VIPR2: variants seen among roughly 807,000 people sequenced by gnomAD.
VIPR2 encodes vasoactive intestinal polypeptide receptor 2.
A neutral mutation model predicts 58.0 loss-of-function variants in VIPR2; 48 were observed. The observed-to-expected ratio is 0.83, with a 90% CI of 0.66 to 1.05. VIPR2 has a LOEUF of 1.05. Ranked by LOEUF, VIPR2 falls within the 50% of genes least tolerant of loss-of-function variation. The pLI is 0.00. For missense variants in VIPR2, 534 were observed against 558.0 expected, an observed-to-expected ratio of 0.96 and a Z score of 0.43; for synonymous variants, 243 against 235.2, an observed-to-expected ratio of 1.03 and a Z score of -0.30.
chr7:159,089,724 A>C (rs937167936), intron 4 of VIPR2, among the ~76,000 whole-genome samples: 1 of 152,172 alleles, frequency 6.6e-6, no homozygotes, highest in African/African-American at 2.4e-5. Flanking sequence ...AACAGCAAAA[A>C]CCTGTCCCAA....
chr7:159,139,759 T>A (rs552857231), intron 2 of VIPR2, among the ~76,000 whole-genome samples: 1 of 152,240 alleles, frequency 6.6e-6, no homozygotes, highest in African/African-American at 2.4e-5. Flanking sequence ...GTCACACCCC[T>A]CCAGACGCGG....
chr7:159,111,883 T>C (rs1796018956), intron 2 of VIPR2, among the ~76,000 whole-genome samples: 1 of 152,008 alleles, frequency 6.6e-6, no homozygotes, highest in South Asian at 2.1e-4. Flanking sequence ...TAACAGAGCA[T>C]GCCTATAGTC....
chr7:159,032,016 G>A lies in VIPR2; in HGVS notation c.1023C>T (p.Tyr341=). 6.2e-7 allele frequency: 1 copy of A among 1,614,154 alleles called. No homozygotes were observed. Among genetic ancestry groups the A allele is most frequent in the Non-Finnish European group, 8.5e-7 (1 of 1,180,048 alleles). ...TGATGGGAAACACGGCAAACACCATGTAGTGGACGCCGAACAGCGGGATAA... is the reference window on the plus strand; with the variant it reads ...TGATGGGAAACACGGCAAACACCATATAGTGGACGCCGAACAGCGGGATAA... The part of the protein sequence containing the change: ...LLLIPLFGVH[Y]MVFAVFPISI... The change falls in exon 11 of 13, where the codon TAC becomes TAT. Residue 341 remains tyrosine, a synonymous_variant. Coordinates refer to ENST00000262178, the MANE Select transcript of VIPR2 (RefSeq NM_003382.5).
In VIPR2 at chr7:159,103,798, C is replaced by A. The variant is rs143947210; in HGVS notation, c.316G>T (p.Val106Phe). ...DGWSETFPDF[V>F]DACGYSDPED... is the part of the protein sequence containing the mutation. ...GGGTCGCTGTAGCCACAGGCATCGA[C>A]GAAATCTGGGAACGTCTCTGACCAT... The change falls in exon 4 of 13, where the codon GTC (valine) becomes TTC (phenylalanine). Residue 106 changes from valine (V) to phenylalanine (F), a missense_variant. By Grantham distance (50) the Val-to-Phe change is conservative. Around this residue, in one of 3 missense-constraint regions of VIPR2, gnomAD observed 224 missense variants for 255.7 expected, o/e 0.88. Transcript: ENST00000262178. 1.2e-6 allele frequency: 2 copies of A among 1,614,136 alleles called. No homozygotes were observed. Among genetic ancestry groups the A allele is most frequent in the Admixed American group, 3.3e-5 (2 of 60,014 alleles).
chr7:159,087,957 C>T (rs1397844839), intron 4 of VIPR2, among the ~76,000 whole-genome samples: 5 of 152,220 alleles, frequency 3.3e-5, no homozygotes, highest in Non-Finnish European at 7.3e-5. Context: ...ACAAACAATA[C>T]CCAAGTGGGG....
chr7:159,069,197 T>G (rs1856254256), intron 4 of VIPR2, among the ~76,000 whole-genome samples: 1 of 152,160 alleles, frequency 6.6e-6, no homozygotes, highest in Non-Finnish European at 1.5e-5. Flanking sequence ...TGCTCAGGGC[T>G]CATGGGGGCC....
intron 4 of VIPR2, among the ~76,000 whole-genome samples, chr7:159,064,105 A>G (rs996998658): frequency 3.9e-4 from 52 of 133,732 alleles, no homozygotes; most frequent in African/African-American, 1.4e-3. Flanking sequence ...AACGCCTCTC[A>G]TGTGATTCTG....
At chr7:159,060,165 ACTCACCTAACCACTAACTTCAC>A (rs1293862486) in intron 4 of VIPR2, among the ~76,000 whole-genome samples, 1 of 145,440 alleles carries the variant, frequency 6.9e-6, no homozygotes, top group African/African-American at 2.6e-5. Context: ...CACCACCTTC[ACTCACCTAACCACTAACTTCAC>A]CTCACCTAAT....
intron 2 of VIPR2, among the ~76,000 whole-genome samples, chr7:159,119,846 A>G (rs189093048): frequency 1.0e-3 from 138 of 132,526 alleles, no homozygotes; most frequent in South Asian, 3.2e-3. Context: ...CGGAAGAAAC[A>G]CCTGTCCCCC....
intron 4 of VIPR2, among the ~76,000 whole-genome samples, chr7:159,067,096 T>C (rs1476998): frequency 0.33 from 50,789 of 152,060 alleles, 9,629 homozygotes; most frequent in African/African-American, 0.53. Flanking sequence ...GTGCTCACGG[T>C]CACATGTGGC....
intron 4 of VIPR2, among the ~76,000 whole-genome samples, chr7:159,101,632 A>G (rs1220625570): frequency 2.1e-5 from 3 of 143,126 alleles, no homozygotes; most frequent in African/African-American, 7.9e-5. Context: ...AACGGGTCTC[A>G]CGAGATCCGA....
At chr7:159,103,686 G>C (rs1858439221) in intron 4 of VIPR2, 71 bp downstream of exon 4, 1 of 1,149,170 alleles carries the variant, frequency 8.7e-7, no homozygotes, top group Non-Finnish European at 1.3e-6. Context: ...ATTCTTGCAG[G>C]GCAGGAGGGG....
Position 159,138,369 on chromosome 7 carries a change from G to T in VIPR2, c.151+4077C>A, listed in dbSNP as rs1041849490. On this transcript the variant is annotated intron_variant, in intron 2 of 12. Transcript: ENST00000262178. The stretch of plus-strand genomic sequence containing the variant: ...AGGAATGAGAAAGTGGGCTAAAATA[G>T]TGTCATTTGGTCATAGGAGATGGTG... 2.6e-5 allele frequency among the ~76,000 whole-genome samples: 4 copies of T among 152,238 alleles called. 1 individual carries two copies. The highest frequency in any genetic ancestry group is 9.6e-5 in the African/African-American group (4 of 41,462).
intron 1 of VIPR2, 80 bp from the exon 2 acceptor site, chr7:159,142,625 AC>A: frequency 9.5e-7 from 1 of 1,047,932 alleles, no homozygotes; most frequent in Non-Finnish European, 1.4e-6. Flanking sequence ...TACAAAAACA[AC>A]CCCAAACCTC....
chr7:159,144,835 C>T lies in VIPR2; in HGVS notation c.-64G>A. On this transcript the variant is annotated 5_prime_UTR_variant, in exon 1 of 13. Transcript: ENST00000262178. ...GCCTCCGTCCTAGGTCCCCGCGGTTCCGCCGCCTCCAGCATGGGCCGGGAG... is the reference window on the plus strand; with the variant it reads ...GCCTCCGTCCTAGGTCCCCGCGGTTTCGCCGCCTCCAGCATGGGCCGGGAG... 2 of 1,221,456 alleles carry T rather than the reference C, an allele frequency of 1.6e-6. No homozygotes were observed. The highest frequency in any genetic ancestry group is 1.0e-6 in the Non-Finnish European group (1 of 979,362). 75.7% of individuals were successfully genotyped at this position (1,221,456 alleles called of 1,614,324 possible). A position where few individuals can be genotyped will look rare whatever the true frequency, so the allele number is the denominator to read the frequency against.
At chr7:159,042,272 G>A (rs1585346562) in intron 6 of VIPR2, among the ~76,000 whole-genome samples, 2 of 152,194 alleles carry the variant, frequency 1.3e-5, no homozygotes, top group South Asian at 4.1e-4. Flanking sequence ...GTCTCTGGTT[G>A]AGAGTGAGGT....
intron 2 of VIPR2, chr7:159,117,433 C>A: frequency 1.4e-6 from 1 of 717,324 alleles, no homozygotes; most frequent in Non-Finnish European, 2.6e-6. Flanking sequence ...TAACAGTGAG[C>A]ACATGAAACA....
intron 4 of VIPR2, among the ~76,000 whole-genome samples, chr7:159,103,079 A>G (rs1344291503): frequency 1.3e-5 from 2 of 152,238 alleles, no homozygotes; most frequent in Non-Finnish European, 2.9e-5. Flanking sequence ...CGGATGGACC[A>G]GAGCAGAGCT....
At position 159,030,743 on chromosome 7, in the gene VIPR2, G is replaced by C. The variant is rs899508976; in HGVS notation, c.1190C>G (p.Pro397Arg). Residue 397 changes from proline to arginine, a missense_variant, in exon 13 of 13, where the codon CCG (proline) becomes CGG (arginine). Around this residue, in one of 3 missense-constraint regions of VIPR2, gnomAD observed 306 missense variants for 285.8 expected, o/e 1.07. Transcript: ENST00000262178. ...KRKWRSRCPT[P>R]SASRDYRVCG... ...GACCCTGTAATCCCGGCTCGCGGAC[G>C]GGGTCGGGCACCGGCTTCGCCATTT... 1.4e-5 allele frequency: 22 copies of C among 1,590,184 alleles called. No homozygotes were observed. The highest frequency in any genetic ancestry group is 1.8e-5 in the Non-Finnish European group (21 of 1,170,458).
Sources: gnomAD v4.1 joint callset for allele counts (sites outside exome capture counted in the v4.1 genomes callset) on GRCh38, gnomAD v4.1.1 for gene constraint, gnomAD v4.1.1 regional missense constraint, MANE v1.5 for transcripts, NCBI Gene and HGNC (gene_info 2026-07-23, HGNC 2026-07-21) for gene names.